The following FAM20A variants were observed in gnomAD, a reference collection of about 807,000 sequenced individuals.
FAM20A encodes the protein FAM20A golgi associated secretory pathway pseudokinase.
In FAM20A, 42 loss-of-function variants were observed where a neutral mutation model predicts 52.0. The observed-to-expected ratio is 0.81, with a 90% CI of 0.63 to 1.04. The LOEUF is 1.04. FAM20A is among the 50% of genes least tolerant of loss of function. The probability of loss-of-function intolerance (pLI) is 0.00; values close to 1 mark genes in which losing one functional copy is unlikely to be tolerated. For missense variants in FAM20A, 742 were observed against 712.7 expected, an observed-to-expected ratio of 1.04 and a Z score of -0.47; for synonymous variants, 304 against 298.9, an observed-to-expected ratio of 1.02 and a Z score of -0.18.
At chr17:68,548,801 T>C (rs991880817) in intron 4 of FAM20A, among the ~76,000 whole-genome samples, 34 of 148,214 alleles carry the variant, frequency 2.3e-4, no homozygotes, top group South Asian at 2.0e-3. Context: ...GGCTCGATCT[T>C]GGCTCACTGC....
intron 1 of FAM20A, among the ~76,000 whole-genome samples, chr17:68,595,929 A>G (rs981484346): frequency 6.6e-6 from 1 of 152,170 alleles, no homozygotes; most frequent in Non-Finnish European, 1.5e-5. Flanking sequence ...CTCCTAGACG[A>G]GGCAATTCTT....
rs1234508610 is a variant in FAM20A at position 68,555,567 on chromosome 17, A to G, written c.581T>C (p.Ile194Thr). ...LLQDMRHFPT[I>T]SADYSQDEKA... ...GATCCCATGAACCTTACCAGCACTG[A>G]TGGTGGGAAAGTGCCTCATGTCTTG... The change falls in exon 2 of 11, where the codon ATC (isoleucine) becomes ACC (threonine). Residue 194 changes from isoleucine to threonine, a missense_variant. Coordinates refer to ENST00000592554, the MANE Select transcript of FAM20A (RefSeq NM_017565.4). 6.2e-7 allele frequency: 1 copy of G among 1,612,678 alleles called. No homozygotes were observed. The highest frequency in any genetic ancestry group is 8.5e-7 in the Non-Finnish European group (1 of 1,180,026).
intron 1 of FAM20A, among the ~76,000 whole-genome samples, chr17:68,575,829 CACAT>C (rs1164378376): frequency 1.0e-4 from 14 of 136,852 alleles, no homozygotes; most frequent in South Asian, 5.0e-4. Context: ...CACACACACA[CACAT>C]AATCAGCCAT....
At chr17:68,571,739 A>G (rs1347471214) in intron 1 of FAM20A, among the ~76,000 whole-genome samples, 6 of 151,634 alleles carry the variant, frequency 4.0e-5, no homozygotes, top group Admixed American at 2.0e-4. Context: ...ATACTGTTCT[A>G]TTTCTCCTGT....
At chr17:68,581,003 CCT>C (rs957477298) in intron 1 of FAM20A, among the ~76,000 whole-genome samples, 22 of 152,196 alleles carry the variant, frequency 1.4e-4, no homozygotes, top group African/African-American at 3.9e-4. Context: ...GATTTTTCCC[CCT>C]GATTAGGAAG....
chr17:68,547,957 T>C (rs1219808993), intron 4 of FAM20A, among the ~76,000 whole-genome samples: 1 of 152,226 alleles, frequency 6.6e-6, no homozygotes, highest in Non-Finnish European at 1.5e-5. Flanking sequence ...GTGAGAGATA[T>C]GACACTCCTC....
chr17:68,553,908 A>G (rs2086955937), intron 3 of FAM20A, among the ~76,000 whole-genome samples: 1 of 135,048 alleles, frequency 7.4e-6, no homozygotes, highest in African/African-American at 2.8e-5. Flanking sequence ...ATGCATATAT[A>G]CATATATACA....
intron 6 of FAM20A, 90 bp downstream of exon 6, chr17:68,542,604 C>T (rs948200999): frequency 1.1e-5 from 11 of 962,750 alleles, no homozygotes; most frequent in African/African-American, 1.1e-4. Context: ...GTGCTAGCAG[C>T]AGGGTGTCAG....
rs887765486 is a variant in FAM20A, at chr17:68,587,759, A to G, written c.404+12504T>C. 2.6e-5 allele frequency among the ~76,000 whole-genome samples: 4 copies of G among 152,216 alleles called. No homozygotes were observed. In the South Asian group the frequency reaches 8.3e-4, roughly 31 times the overall value. On this transcript the variant is annotated intron_variant, in intron 1 of 10. Coordinates refer to ENST00000592554, the MANE Select transcript of FAM20A (RefSeq NM_017565.4). ...TATTTTGCTGTGGTGATCTAATGACATACAATTTAAAAGAGCTTCAAGAAG... is the reference window on the plus strand; with the variant it reads ...TATTTTGCTGTGGTGATCTAATGACGTACAATTTAAAAGAGCTTCAAGAAG...
In FAM20A at chr17:68,542,817, A is replaced by G. The variant is rs1318820181; in HGVS notation, c.813-8T>C. ...CGTCGGAAGTCCAGAATCCTGCAAG[A>G]GAGGAAGCTCTGTTCCATCTGAGGG... On this transcript the variant is annotated splice_polypyrimidine_tract_variant and splice_region_variant and intron_variant, in intron 5 of 10. Coordinates refer to ENST00000592554, the MANE Select transcript of FAM20A (RefSeq NM_017565.4). The G allele has an allele frequency of 1.2e-6, 2 of 1,602,642 alleles. No individual in the cohort carries two copies. The highest frequency in any genetic ancestry group is 1.7e-6 in the Non-Finnish European group (2 of 1,169,712).
intron 10 of FAM20A, 23 bp downstream of exon 10, chr17:68,539,314 T>C (rs763888844): frequency 6.2e-7 from 1 of 1,613,530 alleles, no homozygotes; most frequent in South Asian, 1.1e-5. Context: ...CTTGCCCGTA[T>C]TATCTGCTGC....
rs532354823 is a variant in FAM20A at position 68,546,808 on chromosome 17, C to T, written c.720-3087G>A. 7.1e-5 allele frequency among the ~76,000 whole-genome samples: 9 copies of T among 126,354 alleles called. 1 individual carries two copies. Among genetic ancestry groups the T allele is most frequent in the South Asian group, 5.2e-4 (2 of 3,860 alleles). The allele number at this position is 126,354 out of a possible 152,430, so 82.9% of individuals were successfully genotyped here. On this transcript the variant is annotated intron_variant, in intron 4 of 10. Coordinates refer to ENST00000592554, the MANE Select transcript of FAM20A (RefSeq NM_017565.4). ...TTGAGCCACTGGACTCCAGCCTGGG[C>T]GAGAGTGCGAGACTACGGCTCAAAA...
chr17:68,540,886 G>A lies in FAM20A; in HGVS notation c.1182C>T (p.Leu394=). 10 of 1,605,374 alleles carry A rather than the reference G, an allele frequency of 6.2e-6. No homozygotes were observed. The highest frequency in any genetic ancestry group is 8.5e-6 in the Non-Finnish European group (10 of 1,176,060). Residue 394 remains leucine (L), a synonymous_variant, in exon 8 of 11, where the codon CTC becomes CTT. Coordinates refer to ENST00000592554, the MANE Select transcript of FAM20A (RefSeq NM_017565.4). ...CGAAGATGGCCATGTCGATGACATT[G>A]AGGAGCCGCTGGCTGTTGTTGTACG... ...IYPYNNSQRL[L]NVIDMAIFDF... is the part of the protein sequence containing the mutation.
intron 8 of FAM20A, 50 bp downstream of exon 8, chr17:68,540,799 G>A (rs1370409140): frequency 6.4e-7 from 1 of 1,556,862 alleles, no homozygotes; most frequent in Admixed American, 1.9e-5. Flanking sequence ...GGGAACCCTA[G>A]CCACATAGCA....
At chr17:68,582,263 GGCAGAGTTTCCAAAATA>G (rs1213011355) in intron 1 of FAM20A, 1 of 152,204 alleles carries the variant, frequency 6.6e-6, no homozygotes, top group Non-Finnish European at 1.5e-5. Context: ...GGGGAAGGGG[GGCAGAGTTTCCAAAATA>G]AGTAGATTGA....
Position 68,544,542 on chromosome 17 carries a change from C to T in FAM20A, c.720-821G>A, listed in dbSNP as rs549120159. ...TGGGACTGTTGAAACGACTGCAAGGCGATTTAGATGTAAATAAACGTGATG... is the reference window on the plus strand; with the variant it reads ...TGGGACTGTTGAAACGACTGCAAGGTGATTTAGATGTAAATAAACGTGATG... On this transcript the variant is annotated intron_variant, in intron 4 of 10. Coordinates refer to ENST00000592554, the MANE Select transcript of FAM20A (RefSeq NM_017565.4). 5.3e-5 allele frequency among the ~76,000 whole-genome samples: 8 copies of T among 152,160 alleles called. No homozygotes were observed. In the East Asian group the frequency reaches 1.5e-3, roughly 29 times the overall value.
At chr17:68,566,513 A>G (rs762467537) in intron 1 of FAM20A, among the ~76,000 whole-genome samples, 6 of 152,290 alleles carry the variant, frequency 3.9e-5, no homozygotes, top group Non-Finnish European at 5.9e-5. Flanking sequence ...TTTCGCTCCA[A>G]GTTGTGTACA....
Position 68,600,720 on chromosome 17 carries a change from G to A in FAM20A, c.-54C>T. 2 of 1,514,542 alleles carry A rather than the reference G, an allele frequency of 1.3e-6. No individual in the cohort carries two copies. Among genetic ancestry groups the A allele is most frequent in the Admixed American group, 2.0e-5 (1 of 49,302 alleles). 93.8% of individuals were successfully genotyped at this position (1,514,542 alleles called of 1,614,324 possible). On this transcript the variant is annotated 5_prime_UTR_variant, in exon 1 of 11. Transcript: ENST00000592554. The surrounding 1 kb of genome is among the most constrained non-coding windows in gnomAD (Gnocchi z 6.2). ...GCAGGCCGGCTGTCTCCGGGGTCCC[G>A]GGAGGGGTCGCGGGGTGCGGGCAGA...
rs754871684 is a variant in FAM20A, at chr17:68,542,092, G to C, written c.1002C>G (p.His334Gln). ...KTEYAVCGNPHLLEGSLSAFL... is the reference protein window; with the variant it reads ...KTEYAVCGNPQLLEGSLSAFL... ...AGGCAGAGAGGGAACCCTCCAGCAG[G>C]TGTGGGTTGCCACAGACAGCATACT... Residue 334 changes from histidine to glutamine, a missense_variant, in exon 7 of 11, where the codon CAC becomes CAG. Coordinates refer to ENST00000592554, the MANE Select transcript of FAM20A (RefSeq NM_017565.4). The C allele has an allele frequency of 2.5e-6, 4 of 1,613,994 alleles. No individual in the cohort carries two copies. In the Admixed American group the frequency reaches 5.0e-5, roughly 20 times the overall value.
Sources: allele counts gnomAD v4.1 joint callset (sites outside exome capture counted in the v4.1 genomes callset), GRCh38; gene constraint gnomAD v4.1.1; non-coding constraint Gnocchi (gnomAD v3.1); transcripts MANE v1.5; gene names NCBI Gene and HGNC (gene_info 2026-07-23, HGNC 2026-07-21).